Variants in LRRC7 observed in about 807,000 individuals in gnomAD.
LRRC7 encodes leucine-rich repeat-containing protein 7.
In LRRC7, 23 loss-of-function variants were observed where a neutral mutation model predicts 175.7. The observed-to-expected ratio is 0.13, with a 90% CI of 0.09 to 0.19. The LOEUF (loss-of-function observed/expected upper bound fraction) is 0.19, where lower values mean the gene tolerates loss of function less well. Ranked by LOEUF, LRRC7 falls within the 10% of genes least tolerant of loss-of-function variation. The pLI, the probability that LRRC7 is intolerant of heterozygous loss-of-function variation, is 1.00. For missense variants in LRRC7, 1,354 were observed against 1,904.7 expected, an observed-to-expected ratio of 0.71 and a Z score of 5.38; for synonymous variants, 685 against 680.9, an observed-to-expected ratio of 1.01 and a Z score of -0.09.
chr1:69,674,963 C>T (rs112097726), intron 1 of LRRC7, among the ~76,000 whole-genome samples: 1,929 of 152,216 alleles, frequency 0.013, 28 homozygotes, highest in African/African-American at 0.034. Flanking sequence ...ACAGACACAA[C>T]GCAAAGCATT....
Position 70,023,229 on chromosome 1 carries a change from A to C in LRRC7, c.1649A>C (p.Gln550Pro), listed in dbSNP as rs777557731. 7 of 1,612,204 alleles carry C rather than the reference A, an allele frequency of 4.3e-6. No homozygotes were observed. The Admixed American group carries it at 5.0e-5, about 12-fold the overall frequency. ...DCCTPWARCD[Q>P]QIQDMPVPQN... ...TGCACACCATGGGCCAGGTGTGATC[A>C]GCAGATCCAAGATATGCCCGTCCCC... The change falls in exon 17 of 27, where the codon CAG becomes CCG. Residue 550 changes from glutamine to proline, a missense_variant. By Grantham distance (76) the Gln-to-Pro change is moderately conservative. Coordinates refer to ENST00000651989, the MANE Select transcript of LRRC7 (RefSeq NM_001370785.2).
chr1:69,729,726 G>A (rs772234111), intron 2 of LRRC7, among the ~76,000 whole-genome samples: 1 of 152,108 alleles, frequency 6.6e-6, no homozygotes, highest in Non-Finnish European at 1.5e-5. Flanking sequence ...AGCTATAAGT[G>A]GATCTACTGT....
chr1:70,028,508 C>A, intron 18 of LRRC7, 137 bp downstream of exon 18: 1 of 772,270 alleles, frequency 1.3e-6, no homozygotes, highest in Non-Finnish European at 2.1e-6. Flanking sequence ...CTTTTTCAAA[C>A]TATGAGGGTT....
At chr1:69,951,316 G>A (rs1341918212) in intron 8 of LRRC7, among the ~76,000 whole-genome samples, 2 of 150,498 alleles carry the variant, frequency 1.3e-5, no homozygotes, top group African/African-American at 2.5e-5. Flanking sequence ...GCAGAAAAAA[G>A]GGAACACTTA....
chr1:69,641,139 C>T (rs1057408258), intron 1 of LRRC7, among the ~76,000 whole-genome samples: 7 of 151,448 alleles, frequency 4.6e-5, no homozygotes, highest in Admixed American at 3.3e-4. Flanking sequence ...TATTTTATAA[C>T]TTTTTACATT....
In LRRC7 at chr1:70,128,364, ATTT is replaced by A. The variant is rs898120247; in HGVS notation, c.*6482_*6484del. Among the ~76,000 whole-genome samples the A allele has an allele frequency of 1.3e-5, 2 of 151,872 alleles. No individual in the cohort carries two copies. The highest frequency in any genetic ancestry group is 4.8e-5 in the African/African-American group (2 of 41,322). The stretch of plus-strand genomic sequence containing the variant: ...AATCTTTCTCTAGTTTTGAAAGTGT[ATTT>A]TTTTATCACTGTTGCACAAGTGTAT... On this transcript the variant is annotated 3_prime_UTR_variant, in exon 27 of 27. Transcript: ENST00000651989.
intron 1 of LRRC7, among the ~76,000 whole-genome samples, chr1:69,659,271 A>G (rs1657089804): frequency 6.6e-6 from 1 of 151,990 alleles, no homozygotes; most frequent in African/African-American, 2.4e-5. Context: ...CTAGAGGGAT[A>G]AAAAGAGAAT....
intron 1 of LRRC7, among the ~76,000 whole-genome samples, chr1:69,651,755 C>G (rs966575899): frequency 6.6e-6 from 1 of 152,100 alleles, no homozygotes; most frequent in Admixed American, 6.5e-5. Context: ...TGTCCTGGCT[C>G]CCTGCTTCTC....
At chr1:70,064,827 C>A (rs1475091340) in intron 23 of LRRC7, among the ~76,000 whole-genome samples, 1 of 151,774 alleles carries the variant, frequency 6.6e-6, no homozygotes, top group African/African-American at 2.4e-5. Flanking sequence ...TAATATGAAA[C>A]ATTTACAAGT....
chr1:70,047,194 G>A (rs1660395688), intron 22 of LRRC7, among the ~76,000 whole-genome samples: 2 of 152,090 alleles, frequency 1.3e-5, no homozygotes, highest in African/African-American at 4.8e-5. Flanking sequence ...TTCTTCTCCT[G>A]TGGAAATTCT....
At chr1:69,635,597 T>C (rs1009089840) in intron 1 of LRRC7, among the ~76,000 whole-genome samples, 3 of 152,094 alleles carry the variant, frequency 2.0e-5, no homozygotes, top group South Asian at 2.1e-4. Context: ...ATAAAAATAA[T>C]TGGAATTTTT....
chr1:69,678,505 T>G (rs781420973), intron 2 of LRRC7, 27 bp downstream of exon 2: 2 of 1,532,676 alleles, frequency 1.3e-6, no homozygotes, highest in Non-Finnish European at 1.8e-6. Flanking sequence ...GGATTACCTG[T>G]GTTCTAGATA....
intron 2 of LRRC7, among the ~76,000 whole-genome samples, chr1:69,739,995 C>T (rs113656222): frequency 0.011 from 1,636 of 152,000 alleles, 40 homozygotes; most frequent in African/African-American, 0.037. Flanking sequence ...CGCAACAGAA[C>T]GCTACTGAAG....
At chr1:69,649,073 C>A (rs1419042591) in intron 1 of LRRC7, among the ~76,000 whole-genome samples, 1 of 152,162 alleles carries the variant, frequency 6.6e-6, no homozygotes, top group East Asian at 1.9e-4. Context: ...ATTTCCCATT[C>A]TCTAAAATGT....
intron 2 of LRRC7, among the ~76,000 whole-genome samples, chr1:69,687,435 G>A (rs548121514): frequency 8.7e-5 from 13 of 149,228 alleles, no homozygotes; most frequent in South Asian, 2.1e-4. Flanking sequence ...ACTTGAGCCC[G>A]GGAGGCGGAG....
intron 6 of LRRC7, among the ~76,000 whole-genome samples, chr1:69,836,095 A>G (rs1681069755): frequency 1.3e-5 from 2 of 152,072 alleles, no homozygotes; most frequent in South Asian, 4.1e-4. Flanking sequence ...TAATAGACTA[A>G]GTATAGCTTG....
At position 69,752,046 on chromosome 1, in the gene LRRC7, T is replaced by C. The variant is rs773522165; in HGVS notation, c.101-8145T>C. Among the ~76,000 whole-genome samples the C allele has an allele frequency of 5.5e-4, 83 of 152,188 alleles. 1 individual carries two copies. Among genetic ancestry groups the C allele is most frequent in the Non-Finnish European group, 1.3e-4 (9 of 67,980 alleles). On this transcript the variant is annotated intron_variant, in intron 2 of 26. Coordinates refer to ENST00000651989, the MANE Select transcript of LRRC7 (RefSeq NM_001370785.2). ...TTGTGATAAGATGAAAACAAACCCA[T>C]GAAGTCTGGGAAGTCTTCAAATGTG...
intron 24 of LRRC7, among the ~76,000 whole-genome samples, chr1:70,079,912 C>T (rs1166223550): frequency 2.0e-5 from 3 of 152,154 alleles, no homozygotes; most frequent in African/African-American, 7.2e-5. Flanking sequence ...TCATAATAAT[C>T]TTATTTTCTT....
rs148536609 is a variant in LRRC7, at chr1:70,036,249, A to G, written c.2107+17A>G. Reference sequence around the variant, plus strand: ...ACAAAAAAGGTAACACTGTGAACCCAATGTGGAAAATATGCTACAAATGCA... The same window carrying G: ...ACAAAAAAGGTAACACTGTGAACCCGATGTGGAAAATATGCTACAAATGCA... On this transcript the variant is annotated intron_variant, in intron 19 of 26. Transcript: ENST00000651989. The G allele has an allele frequency of 6.3e-7, 1 of 1,587,864 alleles. No homozygotes were observed. The highest frequency in any genetic ancestry group is 1.3e-5 in the African/African-American group (1 of 74,134).
Sources: gnomAD v4.1 joint callset for allele counts (sites outside exome capture counted in the v4.1 genomes callset) on GRCh38, gnomAD v4.1.1 for gene constraint, MANE v1.5 for transcripts, NCBI Gene and HGNC (gene_info 2026-07-23, HGNC 2026-07-21) for gene names.